The following KCNK12 variants were observed in gnomAD, a reference collection of about 807,000 sequenced individuals.
KCNK12 encodes potassium two pore domain channel subfamily K member 12, also known as potassium channel subfamily K member 12.
Under a neutral mutation model 25.3 loss-of-function variants are expected in KCNK12, and 6 were observed. The ratio of observed to expected loss-of-function variants is 0.24; its 90% CI spans 0.13 to 0.47. The LOEUF (loss-of-function observed/expected upper bound fraction) is 0.47. KCNK12 is among the 20% of genes least tolerant of loss of function. The pLI is 0.99. For synonymous variants in KCNK12, 331 were observed against 311.1 expected (o/e 1.06, Z -0.67); for missense variants, 444 against 661.7 (o/e 0.67, Z 3.61).
chr2:47,569,226 G>C lies in KCNK12; in HGVS notation c.391+715C>G, dbSNP rs1338838719. Among the ~76,000 whole-genome samples, 1 of 152,158 alleles carries C rather than the reference G, an allele frequency of 6.6e-6. No individual in the cohort carries two copies. The highest frequency in any genetic ancestry group is 1.5e-5 in the Non-Finnish European group (1 of 68,028). ...CTATCCCTGCTCCCAGCTACCCCTT[G>C]GTACCACTAATGGTTGGAAAAAGTG... On this transcript the variant is annotated intron_variant, in intron 1 of 1. Coordinates refer to ENST00000327876, the MANE Select transcript of KCNK12 (RefSeq NM_022055.2). This position sits in a 1 kb window ranked among gnomAD's most constrained non-coding sequence, Gnocchi z 4.1.
chr2:47,523,283 G>C (rs953491384), intron 1 of KCNK12, among the ~76,000 whole-genome samples: 2 of 152,208 alleles, frequency 1.3e-5, no homozygotes, highest in African/African-American at 4.8e-5. Flanking sequence ...AGGATTGCTT[G>C]AGAGTAGTCC....
chr2:47,543,183 C>A (rs1273441800), intron 1 of KCNK12, among the ~76,000 whole-genome samples: 1 of 151,916 alleles, frequency 6.6e-6, no homozygotes, highest in African/African-American at 2.4e-5. Flanking sequence ...GGGCATTAGA[C>A]TGCAGACTCT....
rs968074657 is a variant in KCNK12, at chr2:47,538,597, C to T, written c.392-16789G>A. On this transcript the variant is annotated intron_variant, in intron 1 of 1. Transcript: ENST00000327876. The surrounding 1 kb of genome is among the most constrained non-coding windows in gnomAD (Gnocchi z 4.5). ...ACCAGCCTGGCCAACATGGTGAAAC[C>T]CCGTCTCTACTAAAAATACAAAAAT... 1.9e-4 allele frequency among the ~76,000 whole-genome samples: 29 copies of T among 152,042 alleles called. No homozygotes were observed. Among genetic ancestry groups the T allele is most frequent in the African/African-American group, 7.0e-4 (29 of 41,404 alleles).
chr2:47,537,888 G>C (rs1316002967), intron 1 of KCNK12, among the ~76,000 whole-genome samples: 1 of 152,212 alleles, frequency 6.6e-6, no homozygotes, highest in African/African-American at 2.4e-5. Flanking sequence ...CCCAGAGCAG[G>C]TGCCATTGGA....
intron 1 of KCNK12, among the ~76,000 whole-genome samples, chr2:47,541,382 C>T (rs1326538376): frequency 1.3e-5 from 2 of 152,198 alleles, no homozygotes; most frequent in East Asian, 3.8e-4. Context: ...ATAGCAATTT[C>T]TGAAAATCAC....
chr2:47,521,510 G>A lies in KCNK12; in HGVS notation c.690C>T (p.Cys230=). ...CCACGCTGGTGTACATGGCCGAGGC[G>A]CAGCAGGACAGCAGCACGGCGAACA... ...LGLFAVLLSC[C]ASAMYTSVEG... Residue 230 remains cysteine, a synonymous_variant, in exon 2 of 2, where the codon TGC becomes TGT. Coordinates refer to ENST00000327876, the MANE Select transcript of KCNK12 (RefSeq NM_022055.2). 2 of 1,589,934 alleles carry A rather than the reference G, an allele frequency of 1.3e-6. No individual in the cohort carries two copies. The highest frequency in any genetic ancestry group is 1.7e-6 in the Non-Finnish European group (2 of 1,168,374).
rs534346634 is a variant in KCNK12 at position 47,520,768 on chromosome 2, G to C, written c.*139C>G. 673 of 562,888 alleles carry C rather than the reference G, an allele frequency of 1.2e-3. No homozygotes were observed. The highest frequency in any genetic ancestry group is 1.5e-3 in the Non-Finnish European group (566 of 377,264). 34.9% of individuals were successfully genotyped at this position (562,888 alleles called of 1,614,324 possible). A position where few individuals can be genotyped will look rare whatever the true frequency, so the allele number is the denominator to read the frequency against. ...TGATAACATCAGGCCTGGCCAAATA[G>C]TATTTCTTTAAAAAAATTTTTTTTG... On this transcript the variant is annotated 3_prime_UTR_variant, in exon 2 of 2. Coordinates refer to ENST00000327876, the MANE Select transcript of KCNK12 (RefSeq NM_022055.2). The surrounding 1 kb of genome is among the most constrained non-coding windows in gnomAD (Gnocchi z 5.0).
intron 1 of KCNK12, among the ~76,000 whole-genome samples, chr2:47,567,881 A>G (rs925919453): frequency 4.6e-5 from 7 of 152,234 alleles, no homozygotes; most frequent in African/African-American, 1.7e-4. Context: ...AGGCTGGGGC[A>G]TGGAACAATT....
rs1446648399 is a variant in KCNK12 at position 47,538,610 on chromosome 2, A to C, written c.392-16802T>G. 6.6e-6 allele frequency among the ~76,000 whole-genome samples: 1 copy of C among 152,186 alleles called. No homozygotes were observed. The highest frequency in any genetic ancestry group is 2.4e-5 in the African/African-American group (1 of 41,442). On this transcript the variant is annotated intron_variant, in intron 1 of 1. Transcript: ENST00000327876. The surrounding 1 kb of genome is among the most constrained non-coding windows in gnomAD (Gnocchi z 4.5). ...ACATGGTGAAACCCCGTCTCTACTA[A>C]AAATACAAAAATTAGCCAGGCATGG...
At chr2:47,531,584 G>A (rs1668930692) in intron 1 of KCNK12, among the ~76,000 whole-genome samples, 1 of 152,206 alleles carries the variant, frequency 6.6e-6, no homozygotes, top group African/African-American at 2.4e-5. Context: ...CCACTGGGCA[G>A]GGTGAGGGGG....
chr2:47,525,314 AG>A lies in KCNK12; in HGVS notation c.392-3507del, dbSNP rs2104741903. Among the ~76,000 whole-genome samples the A allele has an allele frequency of 6.6e-6, 1 of 152,256 alleles. No individual in the cohort carries two copies. Among genetic ancestry groups the A allele is most frequent in the South Asian group, 2.1e-4 (1 of 4,826 alleles). On this transcript the variant is annotated intron_variant, in intron 1 of 1. Coordinates refer to ENST00000327876, the MANE Select transcript of KCNK12 (RefSeq NM_022055.2). This position sits in a 1 kb window ranked among gnomAD's most constrained non-coding sequence, Gnocchi z 4.1. ...GCTGTGGATTCTTTCACTCACCCCC[AG>A]GCCAGGGGATGGTTGGAGCAGGGAA...
In KCNK12 at chr2:47,520,895, C is replaced by G; in HGVS notation, c.*12G>C. 1 of 1,241,068 alleles carries G rather than the reference C, an allele frequency of 8.1e-7. No homozygotes were observed. The highest frequency in any genetic ancestry group is 1.0e-6 in the Non-Finnish European group (1 of 992,254). 76.9% of individuals were successfully genotyped at this position (1,241,068 alleles called of 1,614,324 possible). A position where few individuals can be genotyped will look rare whatever the true frequency, so the allele number is the denominator to read the frequency against. On this transcript the variant is annotated 3_prime_UTR_variant, in exon 2 of 2. Coordinates refer to ENST00000327876, the MANE Select transcript of KCNK12 (RefSeq NM_022055.2). This position sits in a 1 kb window ranked among gnomAD's most constrained non-coding sequence, Gnocchi z 5.0. ...GCCTGGAGAGGGTCCCCGGCGCGGG[C>G]GGACGGGCGGTCTACCTGGAGGCGC...
In KCNK12 at chr2:47,520,967, G is replaced by A; in HGVS notation, c.1233C>T (p.Gly411=). 1.5e-6 allele frequency: 2 copies of A among 1,309,350 alleles called. No individual in the cohort carries two copies. Among genetic ancestry groups the A allele is most frequent in the Non-Finnish European group, 1.9e-6 (2 of 1,026,072 alleles). The allele number at this position is 1,309,350 out of a possible 1,614,324, so 81.1% of individuals were successfully genotyped here. ...TCATGATGCCCAGCGCGCCCACGCC[G>A]CCCGAGAAGCCGTTCTGGCGCGTGT... The part of the protein sequence containing the change: ...CVNTRQNGFS[G]GVGALGIMNN... The change falls in exon 2 of 2, where the codon GGC becomes GGT. Residue 411 remains glycine (G), a synonymous_variant. Transcript: ENST00000327876. This position sits in a 1 kb window ranked among gnomAD's most constrained non-coding sequence, Gnocchi z 5.0.
chr2:47,554,347 A>G (rs1394344520), intron 1 of KCNK12, among the ~76,000 whole-genome samples: 1 of 152,192 alleles, frequency 6.6e-6, no homozygotes, highest in Non-Finnish European at 1.5e-5. Context: ...AGTGTGAGGG[A>G]CAGTGACTAG....
rs6747254 is a variant in KCNK12, at chr2:47,536,708, A to C, written c.392-14900T>G. On this transcript the variant is annotated intron_variant, in intron 1 of 1. Coordinates refer to ENST00000327876, the MANE Select transcript of KCNK12 (RefSeq NM_022055.2). ...GCATCTCAGTCAGAGGGTATCAAAG[A>C]GGGCTAATTCTAGGAGTTGGGCTTG... 1.8e-3 allele frequency among the ~76,000 whole-genome samples: 271 copies of C among 152,290 alleles called. 1 individual carries two copies. The highest frequency in any genetic ancestry group is 6.3e-3 in the African/African-American group (262 of 41,560).
chr2:47,552,227 ACC>A (rs1669451072), intron 1 of KCNK12, among the ~76,000 whole-genome samples: 1 of 151,990 alleles, frequency 6.6e-6, no homozygotes. Flanking sequence ...CCACACACCA[ACC>A]TCTGCTGCAC....
In KCNK12 at chr2:47,525,714, T is replaced by C. The variant is rs1282116658; in HGVS notation, c.392-3906A>G. On this transcript the variant is annotated intron_variant, in intron 1 of 1. Transcript: ENST00000327876. This position sits in a 1 kb window ranked among gnomAD's most constrained non-coding sequence, Gnocchi z 4.1. Reference sequence around the variant, plus strand: ...CAAGGGGGCCCTAGGAAGAAGAGGCTGAGGGGCAGAGGGCTGGGGACAGCA... The same window carrying C: ...CAAGGGGGCCCTAGGAAGAAGAGGCCGAGGGGCAGAGGGCTGGGGACAGCA... Among the ~76,000 whole-genome samples, 10 of 152,068 alleles carry C rather than the reference T, an allele frequency of 6.6e-5. No individual in the cohort carries two copies. In the South Asian group the frequency reaches 8.3e-4, roughly 13 times the overall value.
chr2:47,515,668 G>C lies in KCNK12; in HGVS notation c.*5239C>G, dbSNP rs1292802603. Reference sequence around the variant, plus strand: ...GGAGTGATCGTATAGACAGAGGTGGGTGGGGCCAGTGTGAGCCTGATGGTC... The same window carrying C: ...GGAGTGATCGTATAGACAGAGGTGGCTGGGGCCAGTGTGAGCCTGATGGTC... On this transcript the variant is annotated 3_prime_UTR_variant, in exon 2 of 2. Transcript: ENST00000327876. Among the ~76,000 whole-genome samples the C allele has an allele frequency of 6.6e-6, 1 of 152,164 alleles. No homozygotes were observed. Among genetic ancestry groups the C allele is most frequent in the African/African-American group, 2.4e-5 (1 of 41,428 alleles).
chr2:47,541,148 T>C (rs185627345), intron 1 of KCNK12, among the ~76,000 whole-genome samples: 1 of 152,328 alleles, frequency 6.6e-6, no homozygotes, highest in Non-Finnish European at 1.5e-5. Flanking sequence ...CAGTACCTGA[T>C]ACATCCCTCA....
Sources: gnomAD v4.1 joint callset for allele counts (sites outside exome capture counted in the v4.1 genomes callset) on GRCh38, gnomAD v4.1.1 for gene constraint, Gnocchi (gnomAD v3.1) non-coding constraint, MANE v1.5 for transcripts, NCBI Gene and HGNC (gene_info 2026-07-23, HGNC 2026-07-21) for gene names.